NUP58: variants seen among roughly 807,000 people sequenced by gnomAD.
NUP58 encodes nucleoporin p58/p45.
In NUP58, 17 loss-of-function variants were observed where a neutral mutation model predicts 70.1. The ratio of observed to expected loss-of-function variants is 0.24; its 90% confidence interval spans 0.17 to 0.36. The LOEUF (loss-of-function observed/expected upper bound fraction) is 0.36. Among genes scored for constraint, NUP58 ranks in the 10% least tolerant of loss-of-function variants. The pLI, the probability that NUP58 is intolerant of heterozygous loss-of-function variation, is 1.00. For synonymous variants in NUP58, 275 were observed against 257.6 expected (o/e 1.07, Z -0.65); for missense variants, 644 against 701.5 (o/e 0.92, Z 0.93).
intron 14 of NUP58, among the ~76,000 whole-genome samples, chr13:25,338,038 A>T (rs2031844608): frequency 6.6e-6 from 1 of 152,190 alleles, no homozygotes; most frequent in South Asian, 2.1e-4. Flanking sequence ...TTGTTAAGAG[A>T]AAAACCATGA....
At chr13:25,305,953 C>T (rs140159757) in intron 1 of NUP58, among the ~76,000 whole-genome samples, 1 of 152,222 alleles carries the variant, frequency 6.6e-6, no homozygotes, top group Admixed American at 6.5e-5. Context: ...ACGGCATGTT[C>T]CTTGACTAGG....
intron 4 of NUP58, among the ~76,000 whole-genome samples, chr13:25,313,347 G>A (rs1275579906): frequency 1.3e-5 from 2 of 152,174 alleles, no homozygotes; most frequent in African/African-American, 4.8e-5. Context: ...GGTGAAGTTG[G>A]TGGCCTGGGT....
At chr13:25,310,285 A>G (rs1014898032) in intron 3 of NUP58, among the ~76,000 whole-genome samples, 4 of 138,212 alleles carry the variant, frequency 2.9e-5, no homozygotes, top group Admixed American at 8.1e-5. Context: ...CAATGGTGCA[A>G]TCTTGGCTCA....
intron 1 of NUP58, among the ~76,000 whole-genome samples, chr13:25,303,580 A>G (rs1000457196): frequency 6.6e-6 from 1 of 152,048 alleles, no homozygotes; most frequent in Admixed American, 6.5e-5. Context: ...CTTCCTTGCA[A>G]ATATCAAATG....
chr13:25,329,659 A>G (rs1397144540), intron 12 of NUP58, among the ~76,000 whole-genome samples: 2 of 152,170 alleles, frequency 1.3e-5, no homozygotes, highest in Non-Finnish European at 2.9e-5. Context: ...TAGAAATCTC[A>G]CAAGACATTT....
At chr13:25,333,506 T>C (rs1271766298) in intron 13 of NUP58, 1 of 985,270 alleles carries the variant, frequency 1.0e-6, no homozygotes, top group African/African-American at 1.7e-5. Flanking sequence ...CTAAACAACC[T>C]TACAGTGTTT....
At chr13:25,311,365 G>T (rs1405910767) in intron 3 of NUP58, among the ~76,000 whole-genome samples, 1 of 151,956 alleles carries the variant, frequency 6.6e-6, no homozygotes, top group Non-Finnish European at 1.5e-5. Flanking sequence ...TTTTTTGTTT[G>T]TGTTTTCTTT....
At position 25,336,427 on chromosome 13, in the gene NUP58, C is replaced by G. The variant is rs1413165915; in HGVS notation, c.1436-509C>G. 3 of 515,848 alleles carry G rather than the reference C, an allele frequency of 5.8e-6. No individual in the cohort carries two copies. The East Asian group carries it at 2.3e-4, about 40-fold the overall frequency. 32.0% of individuals were successfully genotyped at this position (515,848 alleles called of 1,614,324 possible). A position where few individuals can be genotyped will look rare whatever the true frequency, so the allele number is the denominator to read the frequency against. On this transcript the variant is annotated intron_variant, in intron 13 of 15. Coordinates refer to ENST00000381736, the MANE Select transcript of NUP58 (RefSeq NM_014089.4). ...TCATGCCTAGTTTTTTGGGTACTTACTCTTATGAAATAACATGATAGTTTT... is the reference window on the plus strand; with the variant it reads ...TCATGCCTAGTTTTTTGGGTACTTAGTCTTATGAAATAACATGATAGTTTT...
At chr13:25,306,309 G>A (rs2137714264) in intron 1 of NUP58, among the ~76,000 whole-genome samples, 1 of 151,238 alleles carries the variant, frequency 6.6e-6, no homozygotes, top group Middle Eastern at 3.4e-3. Flanking sequence ...GGAGGCTGAG[G>A]TAGGAGAATG....
chr13:25,302,023 G>A, intron 1 of NUP58, 143 bp downstream of exon 1: 1 of 616,370 alleles, frequency 1.6e-6, no homozygotes, highest in Non-Finnish European at 2.8e-6. Flanking sequence ...TAGCCGCCCG[G>A]CGTCGTAGGC....
intron 1 of NUP58, among the ~76,000 whole-genome samples, chr13:25,305,399 G>A (rs1233069675): frequency 2.0e-5 from 3 of 151,920 alleles, no homozygotes; most frequent in African/African-American, 7.3e-5. Flanking sequence ...CAAGCTTCTG[G>A]GCTCAAGCAG....
At chr13:25,335,838 C>T in intron 13 of NUP58, 1 of 1,008,286 alleles carries the variant, frequency 9.9e-7, no homozygotes. Context: ...TTGACAGTTC[C>T]CTCATCTTTG....
intron 3 of NUP58, 170 bp downstream of exon 3, chr13:25,309,452 GA>G (rs916571734): frequency 2.8e-5 from 14 of 508,304 alleles, no homozygotes; most frequent in South Asian, 1.7e-4. Context: ...TTTGAGTAGT[GA>G]AAAAAAGGAA....
chr13:25,333,357 G>C (rs1197810606), intron 13 of NUP58: 3 of 985,232 alleles, frequency 3.0e-6, no homozygotes, highest in African/African-American at 1.7e-5. Context: ...TTCTTGAGGA[G>C]CCTTTTGCTC....
chr13:25,317,978 G>T, intron 6 of NUP58, among the ~76,000 whole-genome samples: 1 of 149,686 alleles, frequency 6.7e-6, no homozygotes, highest in Non-Finnish European at 1.5e-5. Flanking sequence ...ATTGTCCTAC[G>T]TTAACCTCCT....
rs1405397333 is a variant in NUP58, at chr13:25,301,821, C to T, written c.48C>T (p.Thr16=). Reference sequence around the variant, plus strand: ...GGTCCGGGACTCTGGGCTCCACCACCGTGGCCGCCGGCGGGACCAGCACAG... The same window carrying T: ...GGTCCGGGACTCTGGGCTCCACCACTGTGGCCGCCGGCGGGACCAGCACAG... ...SFGSGTLGST[T]VAAGGTSTGG... Residue 16 remains threonine (T), a synonymous_variant, in exon 1 of 16, where the codon ACC becomes ACT. Coordinates refer to ENST00000381736, the MANE Select transcript of NUP58 (RefSeq NM_014089.4). 1 of 1,613,666 alleles carries T rather than the reference C, an allele frequency of 6.2e-7. No individual in the cohort carries two copies. Among genetic ancestry groups the T allele is most frequent in the Admixed American group, 1.7e-5 (1 of 59,982 alleles).
At position 25,321,022 on chromosome 13, in the gene NUP58, C is replaced by T. The variant is rs1399710212; in HGVS notation, c.880C>T (p.Leu294=). Reference sequence around the variant, plus strand: ...AGATATTAAAGCTCTGAAGCAGCTCCTGTCGTTGGCTGCCAATGGAATACA... The same window carrying T: ...AGATATTAAAGCTCTGAAGCAGCTCTTGTCGTTGGCTGCCAATGGAATACA... ...QEDIKALKQL[L]SLAANGIQRN... is the part of the protein sequence containing the mutation. The change falls in exon 9 of 16, where the codon CTG becomes TTG. Residue 294 remains leucine (L), a synonymous_variant. Coordinates refer to ENST00000381736, the MANE Select transcript of NUP58 (RefSeq NM_014089.4). 2 of 1,600,424 alleles carry T rather than the reference C, an allele frequency of 1.2e-6. No homozygotes were observed. The highest frequency in any genetic ancestry group is 2.3e-5 in the East Asian group (1 of 43,974).
intron 13 of NUP58, chr13:25,332,049 TC>T (rs1340715689): frequency 9.9e-7 from 1 of 1,006,024 alleles, no homozygotes; most frequent in Admixed American, 5.2e-5. Context: ...ATGTTGAAGA[TC>T]AATAGGCTTG....
chr13:25,344,248 A>G (rs757702058), downstream of NUP58, among the ~76,000 whole-genome samples: 25 of 152,080 alleles, frequency 1.6e-4, no homozygotes, highest in Non-Finnish European at 2.8e-4. Context: ...TTCCTGAGAG[A>G]TATGTCTAGT....
Sources: gnomAD v4.1 joint callset for allele counts (sites outside exome capture counted in the v4.1 genomes callset) on GRCh38, gnomAD v4.1.1 for gene constraint, MANE v1.5 for transcripts, NCBI Gene and HGNC (gene_info 2026-07-23, HGNC 2026-07-21) for gene names.